USP30: variants seen among roughly 807,000 people sequenced by gnomAD.
The protein encoded by USP30 is ubiquitin carboxyl-terminal hydrolase 30.
USP30 carries 41 observed loss-of-function variants against 68.2 expected under a neutral mutation model. That is an observed-to-expected ratio of 0.60 (90% CI 0.47 to 0.78). The LOEUF is 0.78. Ranked by LOEUF, USP30 falls within the 30% of genes least tolerant of loss-of-function variation. The probability of loss-of-function intolerance (pLI) is 0.00; values close to 1 mark genes in which losing one functional copy is unlikely to be tolerated. For synonymous variants in USP30, 229 were observed against 253.7 expected, an observed-to-expected ratio of 0.90 and a Z score of 0.93; for missense variants, 522 against 649.4, an observed-to-expected ratio of 0.80 and a Z score of 2.13.
Position 109,055,015 on chromosome 12 carries a change from T to TAC in USP30, c.84-1651_84-1650dup, listed in dbSNP as rs377599084. Among the ~76,000 whole-genome samples the TAC allele has an allele frequency of 5.3e-3, 809 of 151,300 alleles. 10 individuals are homozygous for TAC. Among genetic ancestry groups the TAC allele is most frequent in the African/African-American group, 0.018 (727 of 41,314 alleles). ...TCCAAATACTGGGATAATAATGTAT[T>TAC]ACACACACACACACACAAACACGTA... On this transcript the variant is annotated intron_variant, in intron 1 of 12. Transcript: ENST00000257548.
intron 4 of USP30, 59 bp downstream of exon 4, chr12:109,067,686 GCCTGACCTT>G: frequency 6.7e-7 from 1 of 1,489,170 alleles, no homozygotes; most frequent in Non-Finnish European, 9.3e-7. Flanking sequence ...GTGACTTGGG[GCCTGACCTT>G]AAAATTGCCT....
In USP30 at chr12:109,027,753, C is replaced by A. The variant is rs544989032; in HGVS notation, c.-136+197C>A. 2.0e-5 allele frequency among the ~76,000 whole-genome samples: 3 copies of A among 152,270 alleles called. No homozygotes were observed. The East Asian group carries it at 5.8e-4, about 29-fold the overall frequency. On this transcript the variant is annotated intron_variant, in intron 3 of 15. Transcript: ENST00000392784. The stretch of plus-strand genomic sequence containing the variant: ...TCTTTTATATGACTGAATAATATTT[C>A]TTTGTAGGTATATGGCACATTTTGT...
At position 109,058,105 on chromosome 12, in the gene USP30, A is replaced by T. The variant is rs570016821; in HGVS notation, c.373A>T (p.Lys125Ter). 1 of 1,604,640 alleles carries T rather than the reference A, an allele frequency of 6.2e-7. No homozygotes were observed. Among genetic ancestry groups the T allele is most frequent in the Non-Finnish European group, 8.5e-7 (1 of 1,176,418 alleles). The change falls in exon 3 of 13, where the codon AAA becomes TAA. Residue 125 changes from lysine to a stop codon, truncating the protein, a stop_gained. Transcript: ENST00000257548. LOFTEE classifies it high-confidence loss of function. The stretch of plus-strand genomic sequence containing the variant: ...ATCCTTAACACTCTTGCACCTTCTG[A>T]AAGGTATCTAGATGGGAATTTCAAG... ...YLSLTLLHLL[K>*]ALSCQEVTDD...
chr12:109,043,644 A>C (rs1383438431), intron 3 of USP30, among the ~76,000 whole-genome samples: 2 of 152,218 alleles, frequency 1.3e-5, no homozygotes, highest in African/African-American at 4.8e-5. Context: ...TATAGGGCAA[A>C]ACCTTTGTGA....
At chr12:109,053,950 C>T (rs2040756761) in intron 1 of USP30, 1 of 455,190 alleles carries the variant, frequency 2.2e-6, no homozygotes. Flanking sequence ...TGTTCCTTCA[C>T]TCACTGTGAC....
chr12:109,048,115 G>T (rs1260586533), upstream of USP30, among the ~76,000 whole-genome samples: 3 of 139,882 alleles, frequency 2.1e-5, no homozygotes, highest in Non-Finnish European at 4.6e-5. Context: ...GTCTTGCTCT[G>T]TTGGCCAGGC....
chr12:109,049,051 G>A (rs571833166), upstream of USP30, among the ~76,000 whole-genome samples: 110 of 152,276 alleles, frequency 7.2e-4, 1 homozygote, highest in African/African-American at 2.3e-3. Flanking sequence ...GGCCAAGAGG[G>A]GGCCCATTCA....
chr12:109,073,548 A>G lies in USP30; in HGVS notation c.720+16A>G. The G allele has an allele frequency of 6.3e-7, 1 of 1,596,626 alleles. No homozygotes were observed. Among genetic ancestry groups the G allele is most frequent in the Non-Finnish European group, 8.6e-7 (1 of 1,164,198 alleles). On this transcript the variant is annotated intron_variant, in intron 7 of 12. Transcript: ENST00000257548. ...TGAACACCAGGTAAATACAATACCA[A>G]CACTTGATATTTCCGGGAGAGGTTT...
In USP30 at chr12:109,057,959, C is replaced by G. The variant is rs1566087159; in HGVS notation, c.227C>G (p.Thr76Ser). 1.9e-6 allele frequency: 3 copies of G among 1,613,796 alleles called. No individual in the cohort carries two copies. The highest frequency in any genetic ancestry group is 2.5e-6 in the Non-Finnish European group (3 of 1,179,916). ...CCTGGCCTTGTTAATTTAGGGAACA[C>G]CTGCTTCATGAACTCCCTGCTACAA... Reference protein sequence around the residue: ...LVPGLVNLGNTCFMNSLLQGL... With the variant: ...LVPGLVNLGNSCFMNSLLQGL... Residue 76 changes from threonine to serine, a missense_variant, in exon 3 of 13, where the codon ACC (threonine) becomes AGC (serine). Transcript: ENST00000257548.
intron 7 of USP30, among the ~76,000 whole-genome samples, chr12:109,074,838 G>A (rs930665433): frequency 3.3e-5 from 5 of 152,084 alleles, no homozygotes; most frequent in East Asian, 1.9e-4. Flanking sequence ...GAACTTATTC[G>A]TCTTATAACT....
chr12:109,045,717 A>G (rs2040598366), intron 3 of USP30, among the ~76,000 whole-genome samples: 1 of 152,146 alleles, frequency 6.6e-6, no homozygotes. Flanking sequence ...GTCGGTAACA[A>G]GTTTTGGCAG....
At chr12:109,030,513 C>A (rs2040473192) in intron 3 of USP30, among the ~76,000 whole-genome samples, 1 of 152,138 alleles carries the variant, frequency 6.6e-6, no homozygotes, top group Non-Finnish European at 1.5e-5. Flanking sequence ...TTCTGGAGAT[C>A]TAACGTACAG....
intron 11 of USP30, among the ~76,000 whole-genome samples, chr12:109,084,301 A>G (rs2041886470): frequency 6.6e-6 from 1 of 152,216 alleles, no homozygotes. Flanking sequence ...TTGAAAGGAA[A>G]AGACATGTAA....
chr12:109,061,259 T>C (rs1329454913), intron 3 of USP30, among the ~76,000 whole-genome samples: 4 of 152,114 alleles, frequency 2.6e-5, no homozygotes, highest in Admixed American at 6.6e-5. Context: ...TGAGTTATCC[T>C]AACCCTGACC....
At chr12:109,047,341 C>A (rs1266940096) in intron 3 of USP30, among the ~76,000 whole-genome samples, 3 of 152,072 alleles carry the variant, frequency 2.0e-5, no homozygotes, top group African/African-American at 7.2e-5. Flanking sequence ...ATAATTGAGA[C>A]CATGGTCAGC....
chr12:109,056,360 T>G (rs1458450676), intron 1 of USP30, among the ~76,000 whole-genome samples: 1 of 152,090 alleles, frequency 6.6e-6, no homozygotes, highest in African/African-American at 2.4e-5. Flanking sequence ...GGCCAGCTAA[T>G]TTTTGTGTTT....
intron 3 of USP30, 67 bp from the exon 4 acceptor site, chr12:109,067,457 G>A: frequency 7.2e-7 from 1 of 1,398,170 alleles, no homozygotes; most frequent in East Asian, 2.3e-5. Context: ...ATGTTATACT[G>A]TGCAAGTTTT....
intron 12 of USP30, 24 bp from the exon 13 acceptor site, chr12:109,085,643 C>T (rs773960762): frequency 6.2e-7 from 1 of 1,610,392 alleles, no homozygotes. Flanking sequence ...TTGTAAACCC[C>T]TGACATGTGT....
At chr12:109,053,863 T>G in intron 1 of USP30, 1 of 359,478 alleles carries the variant, frequency 2.8e-6, no homozygotes, top group Non-Finnish European at 5.5e-6. Context: ...CTTGACACTC[T>G]TCCCTTCAGT....
Sources: gnomAD v4.1 joint callset for allele counts (sites outside exome capture counted in the v4.1 genomes callset) on GRCh38, gnomAD v4.1.1 for gene constraint, MANE v1.5 for transcripts, NCBI Gene and HGNC (gene_info 2026-07-23, HGNC 2026-07-21) for gene names.